The following FSTL5 variants were observed in gnomAD, a reference collection of about 807,000 sequenced individuals.
The protein encoded by FSTL5 is follistatin-related protein 5.
In FSTL5, 62 loss-of-function variants were observed where a neutral mutation model predicts 89.1. The ratio of observed to expected loss-of-function variants is 0.70; its 90% confidence interval spans 0.57 to 0.86. The LOEUF (loss-of-function observed/expected upper bound fraction) is 0.86. Among genes scored for constraint, FSTL5 ranks in the 40% least tolerant of loss-of-function variants. The pLI is 0.00. For missense variants in FSTL5, 1,057 were observed against 1,001.6 expected (o/e 1.06, Z -0.75); for synonymous variants, 383 against 346.2 (o/e 1.11, Z -1.18).
intron 15 of FSTL5, among the ~76,000 whole-genome samples, chr4:161,394,206 C>A (rs571661094): frequency 6.6e-6 from 1 of 152,230 alleles, no homozygotes; most frequent in Admixed American, 6.6e-5. Context: ...ATTTAGGTAA[C>A]ATTTTCTTAC....
chr4:161,525,081 CT>C (rs1176403031), intron 10 of FSTL5, among the ~76,000 whole-genome samples: 1 of 152,090 alleles, frequency 6.6e-6, no homozygotes, highest in Admixed American at 6.6e-5. Flanking sequence ...ATAGAGACTA[CT>C]TGTTTCTGTG....
At chr4:161,735,892 T>C (rs977531248) in intron 6 of FSTL5, among the ~76,000 whole-genome samples, 3 of 152,074 alleles carry the variant, frequency 2.0e-5, no homozygotes, top group Middle Eastern at 3.2e-3. Flanking sequence ...AAAACTATTT[T>C]ATTTTTGAAG....
chr4:161,602,105 G>A (rs185589450), intron 7 of FSTL5, among the ~76,000 whole-genome samples: 1 of 151,938 alleles, frequency 6.6e-6, no homozygotes, highest in East Asian at 1.9e-4. Context: ...GTTGGGTAAT[G>A]TTAGCAGAGA....
At chr4:161,842,660 A>T (rs1421869866) in intron 4 of FSTL5, among the ~76,000 whole-genome samples, 2 of 152,110 alleles carry the variant, frequency 1.3e-5, no homozygotes, top group African/African-American at 2.4e-5. Flanking sequence ...TCCTGTCAAA[A>T]AGAAACAATA....
chr4:161,756,302 C>G (rs969861342), intron 6 of FSTL5, among the ~76,000 whole-genome samples: 3 of 151,836 alleles, frequency 2.0e-5, no homozygotes, highest in Non-Finnish European at 2.9e-5. Flanking sequence ...ATTTCATTAC[C>G]CAACTAACGT....
At chr4:161,510,337 C>A (rs1421021155) in intron 11 of FSTL5, 61 bp downstream of exon 11, 3 of 996,872 alleles carry the variant, frequency 3.0e-6, no homozygotes, top group South Asian at 1.6e-5. Context: ...AAAATATAAT[C>A]AACAAATCTA....
intron 15 of FSTL5, among the ~76,000 whole-genome samples, chr4:161,402,851 T>C (rs2110912109): frequency 6.6e-6 from 1 of 152,052 alleles, no homozygotes; most frequent in African/African-American, 2.4e-5. Context: ...AGATGGAGTT[T>C]CACTCTGTTG....
chr4:161,768,890 T>C (rs1487947027), intron 5 of FSTL5, among the ~76,000 whole-genome samples: 1 of 151,528 alleles, frequency 6.6e-6, no homozygotes, highest in Non-Finnish European at 1.5e-5. Flanking sequence ...ATACAAAAGA[T>C]AAGCAAAATG....
At chr4:161,675,806 T>C (rs1560783762) in intron 6 of FSTL5, among the ~76,000 whole-genome samples, 1 of 152,094 alleles carries the variant, frequency 6.6e-6, no homozygotes, top group African/African-American at 2.4e-5. Flanking sequence ...AGAAATTTTC[T>C]AAAAATTGTT....
At chr4:161,675,856 T>C (rs548444464) in intron 6 of FSTL5, among the ~76,000 whole-genome samples, 3 of 152,220 alleles carry the variant, frequency 2.0e-5, no homozygotes, top group African/African-American at 7.2e-5. Flanking sequence ...CATATTTTTG[T>C]AGAAAAAGAA....
In FSTL5 at chr4:161,630,394, G is replaced by A. The variant is rs567011987; in HGVS notation, c.894+25934C>T. On this transcript the variant is annotated intron_variant, in intron 7 of 15. Coordinates refer to ENST00000306100, the MANE Select transcript of FSTL5 (RefSeq NM_020116.5). ...AGCTACTATGGCACCTGGCAGTACA[G>A]CTCTCTCCAGGTCAGCTCAAGCCCT... Among the ~76,000 whole-genome samples the A allele has an allele frequency of 1.8e-3, 277 of 152,314 alleles. 1 individual carries two copies. Among genetic ancestry groups the A allele is most frequent in the Non-Finnish European group, 3.0e-3 (203 of 68,026 alleles).
At chr4:161,901,247 G>A (rs1733354378) in intron 4 of FSTL5, among the ~76,000 whole-genome samples, 1 of 151,322 alleles carries the variant, frequency 6.6e-6, no homozygotes. Flanking sequence ...AATTTTGAAA[G>A]AACATATAGA....
intron 15 of FSTL5, among the ~76,000 whole-genome samples, chr4:161,441,882 C>CAACCTTGA: frequency 6.6e-6 from 1 of 152,080 alleles, no homozygotes; most frequent in East Asian, 1.9e-4. Flanking sequence ...GCCATGGAGG[C>CAACCTTGA]AACCTTGACC....
chr4:162,067,378 T>C (rs1040704838), intron 2 of FSTL5, among the ~76,000 whole-genome samples: 13 of 151,768 alleles, frequency 8.6e-5, no homozygotes, highest in African/African-American at 3.1e-4. Context: ...TATTGTTGAG[T>C]TTTAAAAGAT....
chr4:162,112,969 C>G (rs930642534), intron 1 of FSTL5, among the ~76,000 whole-genome samples: 2 of 152,144 alleles, frequency 1.3e-5, no homozygotes, highest in Non-Finnish European at 2.9e-5. Flanking sequence ...GAAAACTCCT[C>G]AGTCCTTTAG....
chr4:161,566,135 T>TACACAC (rs1553998308), intron 8 of FSTL5, among the ~76,000 whole-genome samples: 3 of 55,162 alleles, frequency 5.4e-5, no homozygotes, highest in African/African-American at 1.5e-4. Flanking sequence ...TATATATATA[T>TACACAC]ACACACACAC....
At chr4:161,523,661 T>C (rs1578897381) in intron 10 of FSTL5, among the ~76,000 whole-genome samples, 1 of 152,090 alleles carries the variant, frequency 6.6e-6, no homozygotes, top group East Asian at 1.9e-4. Flanking sequence ...ATTAACTGAG[T>C]TCCAGCAGCA....
chr4:162,135,108 C>T (rs1383692471), intron 1 of FSTL5, among the ~76,000 whole-genome samples: 1 of 152,106 alleles, frequency 6.6e-6, no homozygotes, highest in East Asian at 1.9e-4. Flanking sequence ...CTGCAGTTCT[C>T]CACTTAATTA....
At chr4:161,594,567 TC>T (rs1733943602) in intron 7 of FSTL5, among the ~76,000 whole-genome samples, 3 of 152,180 alleles carry the variant, frequency 2.0e-5, no homozygotes, top group South Asian at 4.1e-4. Context: ...TGCCCTTCTT[TC>T]TAAATTACCA....
Sources: allele counts gnomAD v4.1 joint callset (sites outside exome capture counted in the v4.1 genomes callset), GRCh38; gene constraint gnomAD v4.1.1; transcripts MANE v1.5; gene names NCBI Gene and HGNC (gene_info 2026-07-23, HGNC 2026-07-21).